KIF5C: variants seen among roughly 807,000 people sequenced by gnomAD.
The protein encoded by KIF5C is kinesin heavy chain isoform 5C.
Under a neutral mutation model 125.2 loss-of-function variants are expected in KIF5C, and 18 were observed. That is an observed-to-expected ratio of 0.14 (90% confidence interval 0.10 to 0.21). The LOEUF (loss-of-function observed/expected upper bound fraction) is 0.21, where lower values mean the gene tolerates loss of function less well. Among genes scored for constraint, KIF5C ranks in the 10% least tolerant of loss-of-function variants. The pLI is 1.00. For missense variants in KIF5C, 780 were observed against 1,183.8 expected, an observed-to-expected ratio of 0.66 and a Z score of 5.01; for synonymous variants, 405 against 434.0, an observed-to-expected ratio of 0.93 and a Z score of 0.83.
intron 10 of KIF5C, among the ~76,000 whole-genome samples, chr2:148,957,915 G>T (rs1311144283): frequency 6.6e-6 from 1 of 151,296 alleles, no homozygotes; most frequent in Non-Finnish European, 1.5e-5. Flanking sequence ...CATCAACATA[G>T]ATTGTTATTG....
chr2:148,930,704 G>A (rs1259086318), intron 3 of KIF5C, among the ~76,000 whole-genome samples: 1 of 152,172 alleles, frequency 6.6e-6, no homozygotes, highest in African/African-American at 2.4e-5. Flanking sequence ...TTTCTGCGGT[G>A]TTGACTCTCT....
intron 3 of KIF5C, among the ~76,000 whole-genome samples, chr2:148,936,451 C>T (rs956688710): frequency 6.6e-6 from 1 of 152,178 alleles, no homozygotes; most frequent in African/African-American, 2.4e-5. Context: ...CTCTCTGGAG[C>T]TTGTGTGTTG....
chr2:148,982,835 A>G (rs1165306395), intron 14 of KIF5C, among the ~76,000 whole-genome samples: 1 of 152,248 alleles, frequency 6.6e-6, no homozygotes, highest in Non-Finnish European at 1.5e-5. Context: ...AGATTGGTTT[A>G]GAAGACTATT....
rs1449100263 is a variant in KIF5C at position 148,876,400 on chromosome 2, G to A, written c.126+657G>A. On this transcript the variant is annotated intron_variant, in intron 1 of 25. Transcript: ENST00000435030. The surrounding 1 kb of genome is among the most constrained non-coding windows in gnomAD (Gnocchi z 4.7). The stretch of plus-strand genomic sequence containing the variant: ...CCTCTCACGCCTGGCTGCCCTGGAT[G>A]TGGAGTCCCGGCTTGATCCCTCCCC... 6.6e-6 allele frequency among the ~76,000 whole-genome samples: 1 copy of A among 152,146 alleles called. No individual in the cohort carries two copies. The highest frequency in any genetic ancestry group is 1.9e-4 in the East Asian group (1 of 5,156).
chr2:149,005,039 A>G (rs886462040), intron 21 of KIF5C, among the ~76,000 whole-genome samples: 4 of 152,246 alleles, frequency 2.6e-5, no homozygotes, highest in Non-Finnish European at 5.9e-5. Flanking sequence ...CATAATAAAA[A>G]AAAGAAAAAA....
At chr2:148,947,116 G>C (rs1682536712) in intron 8 of KIF5C, 93 bp downstream of exon 8, 1 of 1,454,082 alleles carries the variant, frequency 6.9e-7, no homozygotes, top group Admixed American at 2.8e-5. Flanking sequence ...CTATTTTCCT[G>C]CTTTAAAGAG....
At chr2:148,969,222 T>G (rs557197574) in intron 11 of KIF5C, among the ~76,000 whole-genome samples, 2 of 152,320 alleles carry the variant, frequency 1.3e-5, no homozygotes, top group African/African-American at 4.8e-5. Context: ...CTGTTGCCGT[T>G]GATGGATTTC....
intron 8 of KIF5C, among the ~76,000 whole-genome samples, chr2:148,948,226 G>A (rs1231796394): frequency 5.3e-5 from 8 of 151,668 alleles, no homozygotes; most frequent in Non-Finnish European, 8.8e-5. Flanking sequence ...GCATGGTGGC[G>A]GGCACCTGTA....
intron 10 of KIF5C, among the ~76,000 whole-genome samples, chr2:148,955,993 G>A (rs1423330137): frequency 1.3e-5 from 2 of 152,204 alleles, no homozygotes. Context: ...CAGAAGAAAC[G>A]CCAAAGGTAG....
chr2:148,896,889 G>T (rs1319436488), intron 1 of KIF5C, among the ~76,000 whole-genome samples: 1 of 152,020 alleles, frequency 6.6e-6, no homozygotes, highest in African/African-American at 2.4e-5. Context: ...GGAGTGCAGT[G>T]GTGTGATCTC....
intron 7 of KIF5C, 138 bp downstream of exon 7, chr2:148,942,898 G>A (rs754472066): frequency 4.3e-5 from 61 of 1,423,282 alleles, no homozygotes; most frequent in Non-Finnish European, 5.6e-5. Context: ...GGACACAGAC[G>A]CCAGGGTATG....
intron 16 of KIF5C, among the ~76,000 whole-genome samples, chr2:148,993,689 G>A (rs568059374): frequency 6.6e-6 from 1 of 152,278 alleles, no homozygotes; most frequent in African/African-American, 2.4e-5. Flanking sequence ...ATCTGGAGAG[G>A]GGAGTGTTCT....
intron 1 of KIF5C, among the ~76,000 whole-genome samples, chr2:148,904,854 C>T (rs147504103): frequency 6.6e-6 from 1 of 152,310 alleles, no homozygotes; most frequent in African/African-American, 2.4e-5. Flanking sequence ...ACACAGCAGA[C>T]ATGGGCTTAG....
intron 1 of KIF5C, among the ~76,000 whole-genome samples, chr2:148,904,089 T>C (rs1314908907): frequency 6.6e-6 from 1 of 152,224 alleles, no homozygotes; most frequent in Admixed American, 6.5e-5. Context: ...ACCAGAATTA[T>C]AGCTTGTCAA....
rs532360681 is a variant in KIF5C, at chr2:148,991,124, G to A, written c.1831G>A (p.Ala611Thr). The A allele has an allele frequency of 4.6e-5, 75 of 1,613,926 alleles. No homozygotes were observed. Among genetic ancestry groups the A allele is most frequent in the Middle Eastern group, 1.6e-4 (1 of 6,062 alleles). The stretch of plus-strand genomic sequence containing the variant: ...GAACCGCAGCAAACAGCTCGAGAGC[G>A]CCCAGATGGACTCCAACAGGAAGAT... Reference protein sequence around the residue: ...LVNRSKQLESAQMDSNRKMNA... With the variant: ...LVNRSKQLESTQMDSNRKMNA... Residue 611 changes from alanine (A) to threonine (T), a missense_variant, in exon 16 of 26, where the codon GCC becomes ACC. Coordinates refer to ENST00000435030, the MANE Select transcript of KIF5C (RefSeq NM_004522.3).
At chr2:148,938,739 G>T (rs947845448) in intron 4 of KIF5C, among the ~76,000 whole-genome samples, 49 of 152,076 alleles carry the variant, frequency 3.2e-4, no homozygotes, top group African/African-American at 1.2e-3. Context: ...TTCAGGCTGG[G>T]ATCTTAGTGC....
chr2:148,926,599 T>C (rs140564143), intron 2 of KIF5C, among the ~76,000 whole-genome samples: 3,012 of 152,266 alleles, frequency 0.02, 88 homozygotes, highest in African/African-American at 0.062. Context: ...GCTCCCCCTC[T>C]GCCTGTGGTC....
At chr2:148,947,092 AT>A (rs1682536310) in intron 8 of KIF5C, 69 bp downstream of exon 8, 2 of 1,508,498 alleles carry the variant, frequency 1.3e-6, no homozygotes, top group South Asian at 2.7e-5. Context: ...CAATGGTATA[AT>A]TTTTATGCTT....
intron 10 of KIF5C, among the ~76,000 whole-genome samples, chr2:148,959,328 T>A (rs966554092): frequency 1.3e-5 from 2 of 152,220 alleles, no homozygotes; most frequent in Non-Finnish European, 2.9e-5. Context: ...CCTCTAACTT[T>A]GATCTTCAGA....
Sources: allele counts gnomAD v4.1 joint callset (sites outside exome capture counted in the v4.1 genomes callset), GRCh38; gene constraint gnomAD v4.1.1; non-coding constraint Gnocchi (gnomAD v3.1); transcripts MANE v1.5; gene names NCBI Gene and HGNC (gene_info 2026-07-23, HGNC 2026-07-21).